RGS8: variants seen among roughly 807,000 people sequenced by gnomAD.
RGS8 encodes regulator of G protein signaling 8.
Under a neutral mutation model 21.7 loss-of-function variants are expected in RGS8, and 8 were observed. The observed-to-expected ratio is 0.37, with a 90% CI of 0.22 to 0.66. RGS8 has a LOEUF of 0.66. RGS8 is among the 30% of genes least tolerant of loss of function. The probability of loss-of-function intolerance (pLI) is 0.59; values close to 1 mark genes in which losing one functional copy is unlikely to be tolerated. For missense variants in RGS8, 157 were observed against 217.9 expected (o/e 0.72, Z 1.76); for synonymous variants, 80 against 83.6 (o/e 0.96, Z 0.24).
chr1:182,692,665 C>A, the RGS8 span, among the ~76,000 whole-genome samples: 1 of 56,136 alleles, frequency 1.8e-5, no homozygotes. Flanking sequence ...ATAGTCAAAG[C>A]AATCCTAAGC....
chr1:182,723,953 T>G, the RGS8 span, among the ~76,000 whole-genome samples: 1 of 151,948 alleles, frequency 6.6e-6, no homozygotes, highest in African/African-American at 2.4e-5. Flanking sequence ...TCAGAGCAGC[T>G]CCAAGACTGC....
At chr1:182,727,346 G>C in the RGS8 span, among the ~76,000 whole-genome samples, 3 of 152,326 alleles carry the variant, frequency 2.0e-5, no homozygotes, top group Admixed American at 1.3e-4. Flanking sequence ...AGAACATGTA[G>C]AACAGTGCCT....
chr1:182,681,735 G>A (rs1381472618), intron 1 of RGS8, among the ~76,000 whole-genome samples: 6 of 152,240 alleles, frequency 3.9e-5, no homozygotes, highest in South Asian at 2.1e-4. Context: ...AGCTGGAGGC[G>A]GGAGGAGGGA....
the RGS8 span, among the ~76,000 whole-genome samples, chr1:182,698,263 T>C: frequency 6.6e-6 from 1 of 152,212 alleles, no homozygotes; most frequent in Admixed American, 6.5e-5. Flanking sequence ...GCTTGATTTG[T>C]TTCATTCAGT....
At chr1:182,740,390 C>T in the RGS8 span, among the ~76,000 whole-genome samples, 1 of 152,142 alleles carries the variant, frequency 6.6e-6, no homozygotes, top group Non-Finnish European at 1.5e-5. Context: ...ACAGACACAT[C>T]TAACTTTCAA....
chr1:182,708,223 A>G, the RGS8 span, among the ~76,000 whole-genome samples: 1 of 152,220 alleles, frequency 6.6e-6, no homozygotes, highest in South Asian at 2.1e-4. Flanking sequence ...TCACTCAAGG[A>G]GTCCACCAGA....
the RGS8 span, among the ~76,000 whole-genome samples, chr1:182,744,721 C>A: frequency 1.3e-5 from 2 of 152,308 alleles, no homozygotes; most frequent in African/African-American, 4.8e-5. Flanking sequence ...TGGGTAAGTA[C>A]ACAACTTTTT....
upstream of RGS8, among the ~76,000 whole-genome samples, chr1:182,677,613 A>G (rs549033675): frequency 1.8e-4 from 27 of 152,350 alleles, no homozygotes; most frequent in Admixed American, 1.8e-3. Flanking sequence ...CCAGCTGCTC[A>G]GTGGCTGGGG....
At chr1:182,694,501 G>A in the RGS8 span, among the ~76,000 whole-genome samples, 5 of 152,112 alleles carry the variant, frequency 3.3e-5, no homozygotes, top group Non-Finnish European at 5.9e-5. Flanking sequence ...TTCCAAGTAA[G>A]AACATTAAAA....
the RGS8 span, among the ~76,000 whole-genome samples, chr1:182,725,656 G>C: frequency 1.3e-5 from 2 of 152,156 alleles, no homozygotes; most frequent in Admixed American, 1.3e-4. Context: ...AATGAAACTT[G>C]GTGCTACAAG....
At chr1:182,660,321 C>A (rs1315082451) in intron 5 of RGS8, among the ~76,000 whole-genome samples, 1 of 152,062 alleles carries the variant, frequency 6.6e-6, no homozygotes, top group Non-Finnish European at 1.5e-5. Flanking sequence ...GAAGCCTGTC[C>A]AGTTGTTTTC....
intron 6 of RGS8, 40 bp from the exon 8 acceptor site, chr1:182,646,957 G>A: frequency 6.4e-7 from 1 of 1,557,374 alleles, no homozygotes; most frequent in Non-Finnish European, 8.7e-7. Flanking sequence ...AGGCCCTCAA[G>A]GGCCAAGGTT....
At chr1:182,652,225 C>T (rs1663054460) in intron 5 of RGS8, among the ~76,000 whole-genome samples, 1 of 152,200 alleles carries the variant, frequency 6.6e-6, no homozygotes. Flanking sequence ...CAAACAGAAA[C>T]AGGTGCTTAT....
upstream of RGS8, among the ~76,000 whole-genome samples, chr1:182,674,024 G>A (rs79462148): frequency 3.3e-5 from 5 of 152,272 alleles, no homozygotes; most frequent in East Asian, 1.9e-4. Flanking sequence ...AAACAGAGAC[G>A]CGTCATTTAA....
intron 2 of RGS8, among the ~76,000 whole-genome samples, 183 bp from the exon 4 acceptor site, chr1:182,669,935 G>A (rs1664073688): frequency 6.6e-6 from 1 of 152,200 alleles, no homozygotes; most frequent in Admixed American, 6.5e-5. Flanking sequence ...AATTGTTGGT[G>A]GCTTCATGTT....
At chr1:182,703,093 A>T in the RGS8 span, among the ~76,000 whole-genome samples, 2 of 152,242 alleles carry the variant, frequency 1.3e-5, no homozygotes, top group Non-Finnish European at 2.9e-5. Flanking sequence ...GCAATGCTGG[A>T]CAAGATAGAG....
the RGS8 span, among the ~76,000 whole-genome samples, chr1:182,746,187 C>T: frequency 6.6e-6 from 1 of 152,168 alleles, no homozygotes; most frequent in South Asian, 2.1e-4. Context: ...ACCCCAGGTA[C>T]CACCTTTCTG....
At chr1:182,741,879 G>A in the RGS8 span, among the ~76,000 whole-genome samples, 2 of 142,124 alleles carry the variant, frequency 1.4e-5, no homozygotes, top group Non-Finnish European at 3.1e-5. Context: ...CGGGCGGGGG[G>A]CTGACCCCCC....
the RGS8 span, among the ~76,000 whole-genome samples, chr1:182,728,734 AT>A: frequency 6.6e-6 from 1 of 152,254 alleles, no homozygotes; most frequent in Non-Finnish European, 1.5e-5. Context: ...GATTAGTGCA[AT>A]ACTCATATTT....
Sources: gnomAD v4.1 joint callset for allele counts (sites outside exome capture counted in the v4.1 genomes callset) on GRCh38, gnomAD v4.1.1 for gene constraint, MANE v1.5 for transcripts, NCBI Gene and HGNC (gene_info 2026-07-23, HGNC 2026-07-21) for gene names.